VRTN: variants seen among roughly 807,000 people sequenced by gnomAD.
VRTN encodes vertebrae development associated, also known as vertnin.
Under a neutral mutation model 18.2 loss-of-function variants are expected in VRTN, and 5 were observed. That is an observed-to-expected ratio of 0.27 (90% CI 0.14 to 0.58). The LOEUF (loss-of-function observed/expected upper bound fraction) is 0.58, where lower values mean the gene tolerates loss of function less well. Ranked by LOEUF, VRTN falls within the 20% of genes least tolerant of loss-of-function variation. The probability of loss-of-function intolerance (pLI) is 0.91; values close to 1 mark genes in which losing one functional copy is unlikely to be tolerated. For synonymous variants in VRTN, 381 were observed against 393.7 expected, an observed-to-expected ratio of 0.97 and a Z score of 0.38; for missense variants, 741 against 939.4, an observed-to-expected ratio of 0.79 and a Z score of 2.76.
At chr14:74,326,583 C>A (rs372205817) in intron 1 of VRTN, among the ~76,000 whole-genome samples, 12 of 152,242 alleles carry the variant, frequency 7.9e-5, no homozygotes, top group African/African-American at 1.2e-4. Flanking sequence ...CTGCTGGCAG[C>A]GGGGGCTCCA....
At chr14:74,308,347 AC>A (rs2085367945) in intron 1 of VRTN, among the ~76,000 whole-genome samples, 1 of 152,164 alleles carries the variant, frequency 6.6e-6, no homozygotes, top group African/African-American at 2.4e-5. Context: ...TTCCTCTTCT[AC>A]CCCTTTAGAC....
chr14:74,335,010 G>A (rs555635919), intron 1 of VRTN, among the ~76,000 whole-genome samples: 21 of 152,212 alleles, frequency 1.4e-4, no homozygotes, highest in Non-Finnish European at 1.9e-4. Context: ...GGCCAGGCAC[G>A]GTGGCTCACA....
At chr14:74,314,846 T>A (rs1304305155) in intron 1 of VRTN, among the ~76,000 whole-genome samples, 2 of 152,142 alleles carry the variant, frequency 1.3e-5, no homozygotes, top group Non-Finnish European at 2.9e-5. Context: ...TCTTGGCCTG[T>A]TTGTGTGGTG....
chr14:74,305,229 G>C (rs2085338646), intron 1 of VRTN, among the ~76,000 whole-genome samples: 2 of 152,114 alleles, frequency 1.3e-5, no homozygotes, highest in South Asian at 4.2e-4. Context: ...CTACTTGGGA[G>C]GCTGAGGCAG....
chr14:74,328,186 C>G (rs2085499503), intron 1 of VRTN, among the ~76,000 whole-genome samples: 1 of 152,136 alleles, frequency 6.6e-6, no homozygotes, highest in Non-Finnish European at 1.5e-5. Context: ...AAAAGGTACC[C>G]TGCAGGGTGA....
At chr14:74,308,312 A>G (rs1345191044) in intron 1 of VRTN, among the ~76,000 whole-genome samples, 2 of 152,178 alleles carry the variant, frequency 1.3e-5, no homozygotes, top group African/African-American at 4.8e-5. Context: ...ATCATATGTC[A>G]TTTAACACTC....
chr14:74,358,115 C>G lies in VRTN; in HGVS notation c.1332C>G (p.Leu444=). 1.2e-6 allele frequency: 2 copies of G among 1,614,146 alleles called. No individual in the cohort carries two copies. Among genetic ancestry groups the G allele is most frequent in the South Asian group, 2.2e-5 (2 of 91,086 alleles). ...ATTATAATTGGCGGCGAAAGGCCCT[C>G]CGGAGGAACCCCAGCTTCAAGCCGG... ...STYYNWRRKA[L]RRNPSFKPAP... The change falls in exon 2 of 2, where the codon CTC becomes CTG. Residue 444 remains leucine, a synonymous_variant. Coordinates refer to ENST00000256362, the MANE Select transcript of VRTN (RefSeq NM_018228.3). The surrounding 1 kb of genome is among the most constrained non-coding windows in gnomAD (Gnocchi z 5.4).
Position 74,332,335 on chromosome 14 carries a change from G to GTTTT in VRTN, c.-163-5350_-163-5347dup, listed in dbSNP as rs67857502. ...CCTCCGGAGGATCGACTCCTAATCT[G>GTTTT]TTTTTTTTTTTTTTTTTTTTTTTTT... On this transcript the variant is annotated intron_variant, in intron 1 of 2. Transcript: ENST00000557177. Among the ~76,000 whole-genome samples, 113 of 39,590 alleles carry GTTTT rather than the reference G, an allele frequency of 2.9e-3. 17 individuals carry two copies. The highest frequency in any genetic ancestry group is 3.6e-3 in the Non-Finnish European group (72 of 20,018). 26.0% of individuals were successfully genotyped at this position (39,590 alleles called of 152,430 possible).
At chr14:74,329,866 C>T (rs1324880834) in intron 1 of VRTN, among the ~76,000 whole-genome samples, 2 of 147,834 alleles carry the variant, frequency 1.4e-5, no homozygotes, top group South Asian at 2.1e-4. Flanking sequence ...CATGAGCCAC[C>T]GGGCCTGGGC....
chr14:74,324,819 G>A (rs1251166312), intron 1 of VRTN, among the ~76,000 whole-genome samples: 2 of 151,346 alleles, frequency 1.3e-5, no homozygotes, highest in South Asian at 2.1e-4. Context: ...CCCAGGAGGT[G>A]GAGGTTGCAG....
chr14:74,303,428 G>A (rs2085168488), intron 1 of VRTN, among the ~76,000 whole-genome samples: 1 of 152,154 alleles, frequency 6.6e-6, no homozygotes, highest in African/African-American at 2.4e-5. Context: ...GCGAGCGCCT[G>A]TGGTCCGAGC....
intron 1 of VRTN, among the ~76,000 whole-genome samples, chr14:74,318,711 C>CTT (rs35673718): frequency 8.2e-5 from 10 of 121,684 alleles, no homozygotes; most frequent in South Asian, 2.7e-4. Context: ...CGTGTCCGGC[C>CTT]TTTTTTTTTT....
chr14:74,343,598 C>CAGT (rs577953200), upstream of VRTN, among the ~76,000 whole-genome samples: 2 of 152,142 alleles, frequency 1.3e-5, no homozygotes, highest in Non-Finnish European at 2.9e-5. Context: ...TAATGTTCAT[C>CAGT]AGTAGAAGAC....
intron 2 of VRTN, among the ~76,000 whole-genome samples, chr14:74,339,440 TG>T (rs1287115661): frequency 7.8e-6 from 1 of 128,568 alleles, no homozygotes; most frequent in Non-Finnish European, 1.7e-5. Context: ...GTCTCAGTCC[TG>T]GGTACAGGCA....
chr14:74,353,527 G>A (rs1199502839), intron 1 of VRTN, among the ~76,000 whole-genome samples: 1 of 152,108 alleles, frequency 6.6e-6, no homozygotes. Flanking sequence ...GGCTGTTTCT[G>A]GGGCAGCACT....
chr14:74,323,444 C>T (rs1348920835), intron 1 of VRTN, among the ~76,000 whole-genome samples: 3 of 151,664 alleles, frequency 2.0e-5, no homozygotes, highest in Non-Finnish European at 2.9e-5. Context: ...ATCAGCTGGG[C>T]GTGGTGGTGG....
At chr14:74,349,356 G>A (rs140836351) in intron 1 of VRTN, among the ~76,000 whole-genome samples, 2 of 152,176 alleles carry the variant, frequency 1.3e-5, no homozygotes, top group African/African-American at 2.4e-5. Context: ...CTGTGCAGTC[G>A]GGCTGGTGTG....
chr14:74,312,813 G>A (rs1463769934), intron 1 of VRTN, among the ~76,000 whole-genome samples: 1 of 148,456 alleles, frequency 6.7e-6, no homozygotes, highest in Non-Finnish European at 1.5e-5. Flanking sequence ...GAGTACAGTG[G>A]CTCACTGCAA....
At chr14:74,355,019 G>C (rs1471933102) in intron 1 of VRTN, among the ~76,000 whole-genome samples, 4 of 151,774 alleles carry the variant, frequency 2.6e-5, no homozygotes, top group African/African-American at 7.3e-5. Context: ...GCATGCGCCT[G>C]TAATCCCAGC....
Sources: gnomAD v4.1 joint callset for allele counts (sites outside exome capture counted in the v4.1 genomes callset) on GRCh38, gnomAD v4.1.1 for gene constraint, Gnocchi (gnomAD v3.1) non-coding constraint, MANE v1.5 for transcripts, NCBI Gene and HGNC (gene_info 2026-07-23, HGNC 2026-07-21) for gene names.